Variants in SHISA9 observed in about 807,000 individuals in gnomAD.
SHISA9 encodes shisa family member 9, also known as protein shisa-9.
SHISA9 carries 13 observed loss-of-function variants against 38.0 expected under a neutral mutation model. The observed-to-expected ratio is 0.34, with a 90% CI of 0.22 to 0.54. The LOEUF (loss-of-function observed/expected upper bound fraction) is 0.54. SHISA9 is among the 20% of genes least tolerant of loss of function. SHISA9 has a pLI of 0.91. For synonymous variants in SHISA9, 275 were observed against 242.0 expected, an observed-to-expected ratio of 1.14 and a Z score of -1.27; for missense variants, 538 against 575.8, an observed-to-expected ratio of 0.93 and a Z score of 0.67.
chr16:13,222,989 A>G (rs1162561232), intron 4 of SHISA9, among the ~76,000 whole-genome samples: 1 of 152,150 alleles, frequency 6.6e-6, no homozygotes, highest in Non-Finnish European at 1.5e-5. Flanking sequence ...GATTCTCTTC[A>G]ATACTCTCCA....
At chr16:13,321,105 T>TA in the SHISA9 span, among the ~76,000 whole-genome samples, 1 of 152,222 alleles carries the variant, frequency 6.6e-6, no homozygotes, top group Admixed American at 6.5e-5. Context: ...GGCTAATGGT[T>TA]ACTACATTGG....
At chr16:13,388,394 C>T in the SHISA9 span, among the ~76,000 whole-genome samples, 3 of 151,626 alleles carry the variant, frequency 2.0e-5, no homozygotes, top group African/African-American at 7.3e-5. Flanking sequence ...TCACTGCAAC[C>T]TCCACCTCCC....
chr16:13,113,367 G>A (rs184915622), intron 2 of SHISA9, among the ~76,000 whole-genome samples: 1 of 152,154 alleles, frequency 6.6e-6, no homozygotes, highest in African/African-American at 2.4e-5. Flanking sequence ...TTGGTAAGAG[G>A]GCTGTCTCAG....
chr16:13,003,643 A>C (rs1261631763), intron 2 of SHISA9, among the ~76,000 whole-genome samples: 1 of 152,152 alleles, frequency 6.6e-6, no homozygotes, highest in Non-Finnish European at 1.5e-5. Flanking sequence ...GGATCACCTG[A>C]GGTCAGGAGT....
At chr16:12,999,259 T>C (rs982183218) in intron 2 of SHISA9, among the ~76,000 whole-genome samples, 11 of 152,118 alleles carry the variant, frequency 7.2e-5, no homozygotes, top group African/African-American at 2.4e-4. Context: ...AGAACAAAAA[T>C]GGAAAAAACC....
Position 13,010,265 on chromosome 16 carries a change from A to G in SHISA9, c.691+93450A>G, listed in dbSNP as rs118164392. On this transcript the variant is annotated intron_variant, in intron 2 of 4. Transcript: ENST00000558583. ...TACTGGAATAAATTAATTAAAAAAT[A>G]AAACCTCTTTGCAGGTTGACATTAA... is the stretch of plus-strand genomic sequence containing the variant. Among the ~76,000 whole-genome samples, 30 of 152,356 alleles carry G rather than the reference A, an allele frequency of 2.0e-4. No homozygotes were observed. In the East Asian group the frequency reaches 5.0e-3, roughly 25 times the overall value.
chr16:13,157,642 C>G (rs576432659), intron 2 of SHISA9, among the ~76,000 whole-genome samples: 19 of 152,318 alleles, frequency 1.2e-4, no homozygotes, highest in Middle Eastern at 6.8e-3. Context: ...CAGACCTGGG[C>G]AGCTAGTGGT....
chr16:13,306,271 T>C, the SHISA9 span, among the ~76,000 whole-genome samples: 183 of 152,270 alleles, frequency 1.2e-3, 1 homozygote, highest in African/African-American at 3.8e-3. Context: ...AAGTCAAAGA[T>C]GACTGGATTT....
intron 2 of SHISA9, among the ~76,000 whole-genome samples, chr16:13,027,673 G>A (rs1219660201): frequency 6.6e-6 from 1 of 151,980 alleles, no homozygotes; most frequent in Non-Finnish European, 1.5e-5. Flanking sequence ...GCACTGAAGA[G>A]TGTATAGTGT....
chr16:13,382,966 T>C, the SHISA9 span, among the ~76,000 whole-genome samples: 1 of 152,218 alleles, frequency 6.6e-6, no homozygotes, highest in Non-Finnish European at 1.5e-5. Flanking sequence ...GATACCTCCA[T>C]GTAACTTCTT....
the SHISA9 span, among the ~76,000 whole-genome samples, chr16:13,380,763 C>T: frequency 6.6e-6 from 1 of 152,108 alleles, no homozygotes; most frequent in South Asian, 2.1e-4. Context: ...TGGTTGTTTG[C>T]TGCACCCATC....
At chr16:12,979,302 G>A (rs2072209344) in intron 2 of SHISA9, among the ~76,000 whole-genome samples, 1 of 143,220 alleles carries the variant, frequency 7.0e-6, no homozygotes, top group Non-Finnish European at 1.5e-5. Flanking sequence ...TGGTGCTGAA[G>A]TTTTTTTTTT....
chr16:13,090,386 A>G (rs182459750), intron 2 of SHISA9, among the ~76,000 whole-genome samples: 5 of 152,272 alleles, frequency 3.3e-5, no homozygotes, highest in African/African-American at 1.2e-4. Context: ...TGATCTGTCT[A>G]ATATTGACAG....
chr16:13,469,364 A>AAAAAG, the SHISA9 span, among the ~76,000 whole-genome samples: 13 of 58,664 alleles, frequency 2.2e-4, no homozygotes, highest in African/African-American at 8.3e-4. Flanking sequence ...GAAAGAAAAG[A>AAAAAG]AAAAGAAAGA....
At chr16:13,217,227 G>C (rs1411381431) in intron 4 of SHISA9, among the ~76,000 whole-genome samples, 1 of 152,092 alleles carries the variant, frequency 6.6e-6, no homozygotes, top group Non-Finnish European at 1.5e-5. Flanking sequence ...GCAGTGAGCA[G>C]AGATCTTGCC....
the SHISA9 span, among the ~76,000 whole-genome samples, chr16:13,397,934 G>A: frequency 6.6e-6 from 1 of 152,208 alleles, no homozygotes; most frequent in African/African-American, 2.4e-5. Context: ...AGCAGAGCGG[G>A]GAGCCAGAAG....
At chr16:13,009,084 G>C (rs1487633041) in intron 2 of SHISA9, among the ~76,000 whole-genome samples, 1 of 149,504 alleles carries the variant, frequency 6.7e-6, no homozygotes, top group Admixed American at 6.7e-5. Context: ...TTCTAAGAGA[G>C]AGAGTGTGTG....
At chr16:13,055,434 T>A (rs17174748) in intron 2 of SHISA9, among the ~76,000 whole-genome samples, 13,415 of 152,212 alleles carry the variant, frequency 0.088, 817 homozygotes, top group Non-Finnish European at 0.13. Context: ...CATAGTAAAC[T>A]CCACCTAAGT....
At chr16:13,044,341 G>C (rs1330066382) in intron 2 of SHISA9, among the ~76,000 whole-genome samples, 1 of 152,188 alleles carries the variant, frequency 6.6e-6, no homozygotes, top group Non-Finnish European at 1.5e-5. Context: ...CATCAGTTTG[G>C]GTTCCAGCCC....
Sources: gnomAD v4.1 joint callset for allele counts (sites outside exome capture counted in the v4.1 genomes callset) on GRCh38, gnomAD v4.1.1 for gene constraint, MANE v1.5 for transcripts, NCBI Gene and HGNC (gene_info 2026-07-23, HGNC 2026-07-21) for gene names.